The following TACC1 variants were observed in gnomAD, a reference collection of about 807,000 sequenced individuals.
TACC1 encodes transforming acidic coiled-coil-containing protein 1.
In TACC1, 48 loss-of-function variants were observed where a neutral mutation model predicts 84.4. The ratio of observed to expected loss-of-function variants is 0.57; its 90% CI spans 0.45 to 0.72. The LOEUF is 0.72. Ranked by LOEUF, TACC1 falls within the 30% of genes least tolerant of loss-of-function variation. The probability of loss-of-function intolerance (pLI) is 0.00; values close to 1 mark genes in which losing one functional copy is unlikely to be tolerated. For synonymous variants in TACC1, 372 were observed against 376.3 expected (o/e 0.99, Z 0.13); for missense variants, 920 against 973.0 (o/e 0.95, Z 0.72).
chr8:38,820,575 CT>C lies in TACC1; in HGVS notation c.1332del (p.Gly445ValfsTer8). 4 of 1,613,738 alleles carry C rather than the reference CT, an allele frequency of 2.5e-6. No homozygotes were observed. Among genetic ancestry groups the C allele is most frequent in the Non-Finnish European group, 3.4e-6 (4 of 1,180,034 alleles). On this transcript the variant is annotated frameshift_variant, in exon 3 of 13. Transcript: ENST00000317827. LOFTEE classifies it high-confidence loss of function. ...TLTSSDFCSP[T>X]GNHVNEILES... ...ACAAGCAGTGACTTTTGTTCTCCCA[CT>C]GGTAATCACGTTAATGAAATCTTAG... is the stretch of plus-strand genomic sequence containing the variant.
At chr8:38,836,055 A>ATGG in intron 6 of TACC1, 107 bp from the exon 7 acceptor site, 7 of 1,449,488 alleles carry the variant, frequency 4.8e-6, no homozygotes, top group Non-Finnish European at 5.6e-6. Context: ...TTCTTTAAAC[A>ATGG]TGGTTTTAAA....
At chr8:38,847,318 A>G (rs1275561734) in intron 12 of TACC1, among the ~76,000 whole-genome samples, 11 of 152,180 alleles carry the variant, frequency 7.2e-5, no homozygotes, top group Admixed American at 7.2e-4. Flanking sequence ...ACATCCTACA[A>G]TGCACAGGAC....
At position 38,735,489 on chromosome 8, in the gene TACC1, G is replaced by A. The variant is rs573991121; in HGVS notation, c.-675+6818G>A. Among the ~76,000 whole-genome samples, 35 of 152,328 alleles carry A rather than the reference G, an allele frequency of 2.3e-4. No homozygotes were observed. The East Asian group carries it at 6.6e-3, about 29-fold the overall frequency. On this transcript the variant is annotated intron_variant, in intron 1 of 14. Coordinates refer to the TACC1 transcript ENST00000518415. Reference sequence around the variant, plus strand: ...GCCAGAGGAGGGCACCTGCAGGTAGGTTTAGAGGGAGGGGAGTGTGTCATG... The same window carrying A: ...GCCAGAGGAGGGCACCTGCAGGTAGATTTAGAGGGAGGGGAGTGTGTCATG...
chr8:38,793,043 CT>C (rs1819117735), intron 2 of TACC1, among the ~76,000 whole-genome samples: 1 of 152,158 alleles, frequency 6.6e-6, no homozygotes, highest in Non-Finnish European at 1.5e-5. Flanking sequence ...ACACACACAC[CT>C]TTATCTACAG....
intron 1 of TACC1, chr8:38,788,186 C>T (rs1817759463): frequency 5.6e-6 from 1 of 178,206 alleles, no homozygotes; most frequent in African/African-American, 2.4e-5. Flanking sequence ...GATGACAGGC[C>T]CCTGGCAGCT....
chr8:38,840,258 C>G lies in TACC1; in HGVS notation c.1951C>G (p.Gln651Glu), dbSNP rs369036257. ...AGCTGAATATGAAAAGACTATTGCTCAAATGATTGGTAAGGAGAACATTTT... is the reference window on the plus strand; with the variant it reads ...AGCTGAATATGAAAAGACTATTGCTGAAATGATTGGTAAGGAGAACATTTT... Reference protein sequence around the residue: ...IVAEYEKTIAQMIEDEQRTSM... With the variant: ...IVAEYEKTIAEMIEDEQRTSM... Residue 651 changes from glutamine to glutamate, a missense_variant, in exon 9 of 13, where the codon CAA becomes GAA. By Grantham distance (29) the Gln-to-Glu change is conservative. Around this residue, in one of 2 missense-constraint regions of TACC1, gnomAD observed 158 missense variants for 225.6 expected, o/e 0.70. Coordinates refer to ENST00000317827, the MANE Select transcript of TACC1 (RefSeq NM_006283.3). 23 of 1,612,618 alleles carry G rather than the reference C, an allele frequency of 1.4e-5. No homozygotes were observed. In the African/African-American group the frequency reaches 2.7e-4, roughly 19 times the overall value.
intron 3 of TACC1, chr8:38,757,526 A>T (rs1563290974): frequency 9.1e-7 from 1 of 1,093,860 alleles, no homozygotes; most frequent in Non-Finnish European, 1.1e-6. Context: ...CGCTGGCGGC[A>T]GCGGGGCACG....
intron 4 of TACC1, 120 bp downstream of exon 4, chr8:38,825,488 A>C: frequency 9.9e-7 from 1 of 1,007,208 alleles, no homozygotes; most frequent in East Asian, 2.4e-5. Context: ...ACTCAGCTTT[A>C]AGAAGCCAAT....
At chr8:38,840,527 T>C in intron 9 of TACC1, 1 of 298,986 alleles carries the variant, frequency 3.3e-6, no homozygotes, top group Non-Finnish European at 6.3e-6. Flanking sequence ...CAAATTCCCT[T>C]CCATGCCCAC....
At chr8:38,794,675 A>G (rs1043154983) in intron 2 of TACC1, among the ~76,000 whole-genome samples, 4 of 152,210 alleles carry the variant, frequency 2.6e-5, no homozygotes, top group Non-Finnish European at 5.9e-5. Flanking sequence ...ATCAGATACT[A>G]TGTGAAAAAT....
intron 2 of TACC1, among the ~76,000 whole-genome samples, chr8:38,791,839 C>T (rs1818739303): frequency 1.3e-5 from 2 of 152,124 alleles, no homozygotes; most frequent in South Asian, 2.1e-4. Context: ...GGCCCTCAAA[C>T]GTGTGGGCTA....
intron 3 of TACC1, among the ~76,000 whole-genome samples, chr8:38,823,720 C>T (rs1046522022): frequency 6.6e-6 from 1 of 152,082 alleles, no homozygotes; most frequent in Non-Finnish European, 1.5e-5. Context: ...AGTGCTAGAC[C>T]TCTTGGAAGT....
chr8:38,781,598 C>G (rs900237752), intron 3 of TACC1, among the ~76,000 whole-genome samples: 7 of 152,058 alleles, frequency 4.6e-5, no homozygotes, highest in African/African-American at 4.8e-5. Context: ...CCAGGCTGGT[C>G]TCGAACTCCT....
intron 3 of TACC1, chr8:38,745,608 A>T: frequency 1.7e-6 from 1 of 586,378 alleles, no homozygotes; most frequent in Non-Finnish European, 3.0e-6. Context: ...CAGTGGCGCA[A>T]TCTTGGCTCA....
At chr8:38,801,381 C>G (rs1186658073) in intron 2 of TACC1, among the ~76,000 whole-genome samples, 1 of 152,190 alleles carries the variant, frequency 6.6e-6, no homozygotes, top group Non-Finnish European at 1.5e-5. Context: ...CATTTTGAGT[C>G]AGTTTCTGCA....
rs773806521 is a variant in TACC1 at position 38,787,538 on chromosome 8, C to T, written c.-45C>T. 22 of 1,492,372 alleles carry T rather than the reference C, an allele frequency of 1.5e-5. No individual in the cohort carries two copies. The highest frequency in any genetic ancestry group is 1.2e-4 in the South Asian group (9 of 78,076). 92.4% of individuals were successfully genotyped at this position (1,492,372 alleles called of 1,614,324 possible). On this transcript the variant is annotated 5_prime_UTR_variant, in exon 1 of 13. Coordinates refer to ENST00000317827, the MANE Select transcript of TACC1 (RefSeq NM_006283.3). ...TTGAAAGGGAAAAAGGCTCTCCCCA[C>T]CCATTCCCCTGCCCCTAGGAGCTGG...
chr8:38,764,906 C>T (rs1291068492), intron 3 of TACC1, among the ~76,000 whole-genome samples: 1 of 152,162 alleles, frequency 6.6e-6, no homozygotes, highest in Non-Finnish European at 1.5e-5. Flanking sequence ...TGAGACCAGC[C>T]TGGCCGACGT....
chr8:38,772,580 A>G (rs750538130), intron 3 of TACC1, among the ~76,000 whole-genome samples: 4 of 152,218 alleles, frequency 2.6e-5, no homozygotes, highest in Non-Finnish European at 5.9e-5. Context: ...GCAGATCCCA[A>G]TGAGGGGTCA....
At chr8:38,846,928 C>CA in intron 12 of TACC1, 109 bp downstream of exon 12, 2 of 1,305,042 alleles carry the variant, frequency 1.5e-6, no homozygotes, top group Non-Finnish European at 2.1e-6. Context: ...GCTTTCTACT[C>CA]AGACATTTCA....
Sources: gnomAD v4.1 joint callset for allele counts (sites outside exome capture counted in the v4.1 genomes callset) on GRCh38, gnomAD v4.1.1 for gene constraint, gnomAD v4.1.1 regional missense constraint, MANE v1.5 for transcripts, NCBI Gene and HGNC (gene_info 2026-07-23, HGNC 2026-07-21) for gene names.